SRRM4: variants seen among roughly 807,000 people sequenced by gnomAD.
SRRM4 encodes serine/arginine repetitive matrix protein 4.
In SRRM4, 33 loss-of-function variants were observed where a neutral mutation model predicts 68.9. The ratio of observed to expected loss-of-function variants is 0.48; its 90% CI spans 0.36 to 0.64. The LOEUF (loss-of-function observed/expected upper bound fraction) is 0.64, where lower values mean the gene tolerates loss of function less well. SRRM4 is among the 30% of genes least tolerant of loss of function. The probability of loss-of-function intolerance (pLI) is 0.00; values close to 1 mark genes in which losing one functional copy is unlikely to be tolerated. For synonymous variants in SRRM4, 318 were observed against 318.8 expected, an observed-to-expected ratio of 1.00 and a Z score of 0.03; for missense variants, 817 against 827.1, an observed-to-expected ratio of 0.99 and a Z score of 0.15.
intron 1 of SRRM4, among the ~76,000 whole-genome samples, chr12:119,096,083 C>T (rs185604039): frequency 1.4e-3 from 216 of 151,182 alleles, no homozygotes; most frequent in African/African-American, 4.9e-3. Flanking sequence ...TGCAGTGGCG[C>T]GATCTCAGCT....
rs569512428 is a variant in SRRM4 at position 119,089,260 on chromosome 12, C to T, written c.132-12976C>T. Reference sequence around the variant, plus strand: ...CAAGTCCTTTTGGAGCCACGGGGAACCCACCAATTGGTAGGAGATAATCAT... The same window carrying T: ...CAAGTCCTTTTGGAGCCACGGGGAATCCACCAATTGGTAGGAGATAATCAT... On this transcript the variant is annotated intron_variant, in intron 1 of 12. Transcript: ENST00000267260. Among the ~76,000 whole-genome samples the T allele has an allele frequency of 3.9e-5, 6 of 152,278 alleles. No individual in the cohort carries two copies. In the South Asian group the frequency reaches 1.0e-3, roughly 26 times the overall value.
intron 2 of SRRM4, among the ~76,000 whole-genome samples, chr12:119,103,173 TAGA>T (rs1954087177): frequency 1.3e-5 from 2 of 152,244 alleles, no homozygotes; most frequent in South Asian, 2.1e-4. Context: ...AATCTATTTC[TAGA>T]AGATGTGATC....
chr12:119,110,241 G>C (rs1306915627), intron 2 of SRRM4, among the ~76,000 whole-genome samples: 2 of 152,200 alleles, frequency 1.3e-5, no homozygotes, highest in African/African-American at 4.8e-5. Context: ...CCCTTACTGG[G>C]AGGTGCCTCC....
intron 1 of SRRM4, among the ~76,000 whole-genome samples, chr12:119,079,866 G>A (rs1386583441): frequency 7.0e-6 from 1 of 142,854 alleles, no homozygotes. Context: ...ATACAAGGCC[G>A]TATATGAAAT....
intron 3 of SRRM4, among the ~76,000 whole-genome samples, chr12:119,115,308 C>A (rs1787263977): frequency 6.6e-6 from 1 of 152,060 alleles, no homozygotes; most frequent in African/African-American, 2.4e-5. Flanking sequence ...ACGTCCAATT[C>A]CTTTAAAATT....
intron 2 of SRRM4, among the ~76,000 whole-genome samples, chr12:119,110,321 T>C (rs1211397033): frequency 4.6e-5 from 7 of 152,204 alleles, no homozygotes; most frequent in Non-Finnish European, 1.5e-5. Flanking sequence ...TCTCAAACTC[T>C]GTGCTGGGAG....
chr12:119,120,092 C>A (rs1157097947), intron 4 of SRRM4, among the ~76,000 whole-genome samples, 158 bp from the exon 5 acceptor site: 2 of 151,738 alleles, frequency 1.3e-5, no homozygotes, highest in Non-Finnish European at 1.5e-5. Context: ...CCTATATTTA[C>A]GTTTTCCCCT....
At chr12:119,074,083 T>C (rs201965090) in intron 1 of SRRM4, among the ~76,000 whole-genome samples, 2 of 114,016 alleles carry the variant, frequency 1.8e-5, no homozygotes, top group South Asian at 5.1e-4. Context: ...CCAATGGTGG[T>C]GGTGGTGATG....
chr12:119,022,710 C>T (rs1447307286), intron 1 of SRRM4, among the ~76,000 whole-genome samples: 1 of 152,214 alleles, frequency 6.6e-6, no homozygotes, highest in Non-Finnish European at 1.5e-5. Context: ...AGCATGGTCA[C>T]ATATGTCTCA....
chr12:119,089,256 G>A (rs1261713566), intron 1 of SRRM4, among the ~76,000 whole-genome samples: 1 of 152,108 alleles, frequency 6.6e-6, no homozygotes, highest in Non-Finnish European at 1.5e-5. Flanking sequence ...GGAGCCACGG[G>A]GAACCCACCA....
chr12:119,122,002 T>G, intron 5 of SRRM4, 68 bp from the exon 6 acceptor site: 1 of 1,039,500 alleles, frequency 9.6e-7, no homozygotes, highest in Non-Finnish European at 1.5e-6. Flanking sequence ...GTGTTAAGCA[T>G]TTTAACTACT....
chr12:119,098,785 G>C (rs1271349964), intron 1 of SRRM4, among the ~76,000 whole-genome samples: 1 of 152,086 alleles, frequency 6.6e-6, no homozygotes, highest in Non-Finnish European at 1.5e-5. Context: ...TCCTTCTCCT[G>C]TCTTACTCTC....
chr12:119,006,412 A>G (rs556938812), intron 1 of SRRM4, among the ~76,000 whole-genome samples: 3 of 152,282 alleles, frequency 2.0e-5, no homozygotes, highest in South Asian at 4.1e-4. Context: ...AAAAGTCCCT[A>G]TGAAACCTTT....
intron 8 of SRRM4, among the ~76,000 whole-genome samples, chr12:119,142,083 T>C (rs1458005804): frequency 1.3e-5 from 2 of 152,092 alleles, no homozygotes; most frequent in African/African-American, 2.4e-5. Flanking sequence ...AAAACTCGAA[T>C]CTGAATCAGT....
chr12:119,019,115 C>G (rs2136000830), intron 1 of SRRM4, among the ~76,000 whole-genome samples: 1 of 152,330 alleles, frequency 6.6e-6, no homozygotes. Flanking sequence ...ACTGAATCTC[C>G]TTGCCACAAT....
intron 1 of SRRM4, among the ~76,000 whole-genome samples, chr12:119,068,472 T>C: frequency 6.6e-6 from 1 of 152,206 alleles, no homozygotes; most frequent in Non-Finnish European, 1.5e-5. Flanking sequence ...ACTTGGTCCC[T>C]TCAGCAAGCA....
intron 1 of SRRM4, among the ~76,000 whole-genome samples, chr12:119,055,107 C>T (rs1267850049): frequency 1.3e-5 from 2 of 152,150 alleles, no homozygotes; most frequent in South Asian, 2.1e-4. Flanking sequence ...TGCTGCTCAT[C>T]ATAACAAGAG....
At chr12:119,080,834 T>C (rs1478644901) in intron 1 of SRRM4, among the ~76,000 whole-genome samples, 1 of 152,204 alleles carries the variant, frequency 6.6e-6, no homozygotes, top group Non-Finnish European at 1.5e-5. Context: ...TCAATCTCTC[T>C]TTTTTCAAGA....
intron 2 of SRRM4, 76 bp downstream of exon 2, chr12:119,102,458 C>A: frequency 8.6e-7 from 1 of 1,166,858 alleles, no homozygotes; most frequent in South Asian, 1.7e-5. Flanking sequence ...TCACCCCTCT[C>A]TTATGCAAGT....
Sources: allele counts gnomAD v4.1 joint callset (sites outside exome capture counted in the v4.1 genomes callset), GRCh38; gene constraint gnomAD v4.1.1; transcripts MANE v1.5; gene names NCBI Gene and HGNC (gene_info 2026-07-23, HGNC 2026-07-21).